The following ACOXL variants were observed in gnomAD, a reference collection of about 807,000 sequenced individuals.
ACOXL encodes the protein acyl-CoA oxidase like, also known as acyl-coenzyme A oxidase-like protein.
In ACOXL, 70 loss-of-function variants were observed where a neutral mutation model predicts 71.9. That is an observed-to-expected ratio of 0.97 (90% confidence interval 0.80 to 1.19). The LOEUF (loss-of-function observed/expected upper bound fraction) is 1.19, where lower values mean the gene tolerates loss of function less well. Among genes scored for constraint, ACOXL ranks in the 50% most tolerant of loss-of-function variants. ACOXL has a pLI of 0.00. For missense variants in ACOXL, 703 were observed against 736.3 expected, an observed-to-expected ratio of 0.95 and a Z score of 0.52; for synonymous variants, 253 against 281.6, an observed-to-expected ratio of 0.90 and a Z score of 1.02.
At chr2:110,941,454 C>T (rs1011734526) in intron 12 of ACOXL, among the ~76,000 whole-genome samples, 3 of 152,204 alleles carry the variant, frequency 2.0e-5, no homozygotes, top group Admixed American at 2.0e-4. Flanking sequence ...TCTATGTTTG[C>T]AGCTCCATCT....
chr2:110,866,335 AAGGC>A (rs1694584171), intron 10 of ACOXL, among the ~76,000 whole-genome samples: 1 of 152,112 alleles, frequency 6.6e-6, no homozygotes, highest in Non-Finnish European at 1.5e-5. Context: ...CCTGCTCTCA[AAGGC>A]AGGGAGGGGA....
chr2:111,037,500 A>G (rs2065573899), intron 15 of ACOXL, among the ~76,000 whole-genome samples: 1 of 152,190 alleles, frequency 6.6e-6, no homozygotes, highest in African/African-American at 2.4e-5. Context: ...CTTGACCTAG[A>G]TGCTAATGAA....
chr2:110,744,033 G>C (rs966124208), intron 1 of ACOXL, among the ~76,000 whole-genome samples: 3 of 152,212 alleles, frequency 2.0e-5, no homozygotes, highest in African/African-American at 7.2e-5. Context: ...CCCTGCAGCA[G>C]ATGTCCCACA....
chr2:110,860,411 G>C (rs969243204), intron 10 of ACOXL, among the ~76,000 whole-genome samples: 2 of 152,150 alleles, frequency 1.3e-5, no homozygotes, highest in Admixed American at 1.3e-4. Context: ...GAGCCACCGC[G>C]CCCAGCCTTG....
intron 9 of ACOXL, among the ~76,000 whole-genome samples, chr2:110,823,975 A>T (rs1688905659): frequency 6.6e-6 from 1 of 152,110 alleles, no homozygotes; most frequent in African/African-American, 2.4e-5. Flanking sequence ...AATAAAGTCT[A>T]ATTTGTTTGT....
At chr2:111,057,268 A>C (rs1209029161) in intron 16 of ACOXL, among the ~76,000 whole-genome samples, 3 of 152,156 alleles carry the variant, frequency 2.0e-5, no homozygotes, top group Non-Finnish European at 4.4e-5. Context: ...TTTCAGGTGC[A>C]CTGATGCATG....
chr2:111,005,230 G>T (rs2063818117), intron 14 of ACOXL, among the ~76,000 whole-genome samples: 1 of 152,176 alleles, frequency 6.6e-6, no homozygotes, highest in African/African-American at 2.4e-5. Context: ...TTCAAAATCT[G>T]ATACAGGTTG....
intron 14 of ACOXL, among the ~76,000 whole-genome samples, chr2:111,004,872 G>A (rs1261185436): frequency 6.6e-6 from 1 of 152,102 alleles, no homozygotes; most frequent in Non-Finnish European, 1.5e-5. Context: ...GTGTTTGTTA[G>A]GTTTTTACAA....
chr2:111,087,357 CA>C (rs2150000956), intron 16 of ACOXL, among the ~76,000 whole-genome samples: 1 of 152,216 alleles, frequency 6.6e-6, no homozygotes, highest in Non-Finnish European at 1.5e-5. Context: ...CAATCCTAAG[CA>C]AAAGGAACAA....
intron 10 of ACOXL, among the ~76,000 whole-genome samples, chr2:110,853,084 A>G (rs958943492): frequency 1.3e-5 from 2 of 152,140 alleles, no homozygotes; most frequent in African/African-American, 2.4e-5. Context: ...TGCTGGGTCC[A>G]GAGTGCCGGG....
At chr2:110,941,432 C>T (rs2060864641) in intron 12 of ACOXL, among the ~76,000 whole-genome samples, 1 of 152,228 alleles carries the variant, frequency 6.6e-6, no homozygotes, top group Non-Finnish European at 1.5e-5. Flanking sequence ...GTGCAAGCTT[C>T]CAGCTTCCTT....
At chr2:110,874,261 T>G (rs1174944971) in intron 10 of ACOXL, among the ~76,000 whole-genome samples, 1 of 152,152 alleles carries the variant, frequency 6.6e-6, no homozygotes, top group Non-Finnish European at 1.5e-5. Flanking sequence ...GGCACGACAT[T>G]TGCGTGCCCC....
intron 13 of ACOXL, among the ~76,000 whole-genome samples, chr2:110,994,824 A>G (rs1402983115): frequency 2.6e-5 from 4 of 152,068 alleles, no homozygotes; most frequent in African/African-American, 9.7e-5. Flanking sequence ...ACACAGCCCT[A>G]TCACTTCCCT....
chr2:110,973,535 C>T (rs2062309333), intron 12 of ACOXL, among the ~76,000 whole-genome samples: 1 of 152,178 alleles, frequency 6.6e-6, no homozygotes, highest in Non-Finnish European at 1.5e-5. Flanking sequence ...ACTGAATCTA[C>T]CACTACTTTG....
intron 12 of ACOXL, among the ~76,000 whole-genome samples, chr2:110,943,568 G>A (rs116942943): frequency 6.6e-6 from 1 of 152,178 alleles, no homozygotes; most frequent in Non-Finnish European, 1.5e-5. Context: ...ATGAGCAGAA[G>A]TCACTGGGTG....
chr2:110,941,345 C>A (rs963233506), intron 12 of ACOXL, among the ~76,000 whole-genome samples: 1 of 152,070 alleles, frequency 6.6e-6, no homozygotes, highest in Non-Finnish European at 1.5e-5. Flanking sequence ...CTGAAATAAT[C>A]AAAAAATGGA....
At chr2:110,961,806 C>T (rs750403110) in intron 12 of ACOXL, among the ~76,000 whole-genome samples, 2 of 152,170 alleles carry the variant, frequency 1.3e-5, no homozygotes, top group Non-Finnish European at 2.9e-5. Context: ...TCACGTCTTA[C>T]ATGGTGGCAG....
At position 111,064,445 on chromosome 2, in the gene ACOXL, AC is replaced by A. The variant is rs200020513; in HGVS notation, c.1440+15158del. Among the ~76,000 whole-genome samples, 645 of 147,910 alleles carry A rather than the reference AC, an allele frequency of 4.4e-3. 19 individuals carry two copies. Among genetic ancestry groups the A allele is most frequent in the African/African-American group, 0.013 (523 of 39,890 alleles). On this transcript the variant is annotated intron_variant, in intron 16 of 17. Transcript: ENST00000439055. ...AGCGACACTCCATCTCAAAAAAAAA[AC>A]AAAAAAAAAACAACAACTATATAGT...
chr2:110,923,426 G>A (rs1050941146), intron 11 of ACOXL, among the ~76,000 whole-genome samples: 1 of 152,072 alleles, frequency 6.6e-6, no homozygotes, highest in Non-Finnish European at 1.5e-5. Flanking sequence ...CAGGGTCTGG[G>A]TAAGTGGAGG....
Sources: gnomAD v4.1 joint callset for allele counts (sites outside exome capture counted in the v4.1 genomes callset) on GRCh38, gnomAD v4.1.1 for gene constraint, MANE v1.5 for transcripts, NCBI Gene and HGNC (gene_info 2026-07-23, HGNC 2026-07-21) for gene names.